The following TTLL7 variants were observed in gnomAD, a reference collection of about 807,000 sequenced individuals.
TTLL7 encodes tubulin polyglutamylase TTLL7.
TTLL7 carries 53 observed loss-of-function variants against 120.2 expected under a neutral mutation model. The observed-to-expected ratio is 0.44, with a 90% CI of 0.35 to 0.55. TTLL7 has a LOEUF of 0.55. Ranked by LOEUF, TTLL7 falls within the 20% of genes least tolerant of loss-of-function variation. The pLI, the probability that TTLL7 is intolerant of heterozygous loss-of-function variation, is 0.00. For missense variants in TTLL7, 803 were observed against 1,054.7 expected, an observed-to-expected ratio of 0.76 and a Z score of 3.31; for synonymous variants, 353 against 351.7, an observed-to-expected ratio of 1.00 and a Z score of -0.04.
chr1:83,907,455 C>T lies in TTLL7; in HGVS notation c.1992+1G>A. 6.2e-7 allele frequency: 1 copy of T among 1,612,246 alleles called. No homozygotes were observed. The highest frequency in any genetic ancestry group is 8.5e-7 in the Non-Finnish European group (1 of 1,178,956). On this transcript the variant is annotated splice_donor_variant, in intron 16 of 20. Transcript: ENST00000260505. LOFTEE classifies it high-confidence loss of function. ...TTGAAAGAGCAAAACAGATGACCTA[C>T]CACTTGAGAGTTGGTAGAGCAGGCA... is the stretch of plus-strand genomic sequence containing the variant.
rs140207418 is a variant in TTLL7 at position 83,874,409 on chromosome 1, T to C, written c.2544-4327A>G. On this transcript the variant is annotated intron_variant, in intron 20 of 20. Transcript: ENST00000260505. ...GGTTGTTTCCATCTCTTGGCTATTG[T>C]CTTATAAATAATGCTTCTGTGAACA... Among the ~76,000 whole-genome samples the C allele has an allele frequency of 2.8e-3, 424 of 152,200 alleles. 3 individuals are homozygous for C. The highest frequency in any genetic ancestry group is 9.8e-3 in the African/African-American group (408 of 41,552).
chr1:83,886,119 G>T (rs1264270129), intron 19 of TTLL7, among the ~76,000 whole-genome samples: 2 of 152,034 alleles, frequency 1.3e-5, no homozygotes, highest in African/African-American at 4.8e-5. Context: ...ATGAAATCCA[G>T]AGACTTAGAA....
intron 10 of TTLL7, among the ~76,000 whole-genome samples, chr1:83,927,541 C>G (rs1163547792): frequency 6.6e-6 from 1 of 152,070 alleles, no homozygotes; most frequent in Admixed American, 6.6e-5. Context: ...ATCAGCCTAA[C>G]TAAAACAGTT....
chr1:83,897,405 G>A (rs1361370870), intron 18 of TTLL7, among the ~76,000 whole-genome samples: 1 of 152,054 alleles, frequency 6.6e-6, no homozygotes, highest in East Asian at 1.9e-4. Context: ...ATCCCTAACA[G>A]TGTCTAGCAT....
intron 18 of TTLL7, among the ~76,000 whole-genome samples, chr1:83,891,603 T>G (rs1056707735): frequency 1.3e-5 from 2 of 152,060 alleles, no homozygotes; most frequent in African/African-American, 4.8e-5. Flanking sequence ...GGAGGCAGCA[T>G]GTACAAGAAC....
At chr1:83,965,576 C>T (rs1158122902) in intron 1 of TTLL7, among the ~76,000 whole-genome samples, 1 of 152,014 alleles carries the variant, frequency 6.6e-6, no homozygotes, top group African/African-American at 2.4e-5. Flanking sequence ...ACTTGGTATG[C>T]AACTTTAAAT....
intron 20 of TTLL7, among the ~76,000 whole-genome samples, chr1:83,874,611 C>A (rs1653747800): frequency 6.6e-6 from 1 of 152,040 alleles, no homozygotes; most frequent in African/African-American, 2.4e-5. Flanking sequence ...AGAAATCCAA[C>A]TTCTCCACAT....
chr1:83,952,516 C>T (rs116074472), intron 1 of TTLL7, 129 bp from the exon 2 acceptor site: 10,618 of 277,342 alleles, frequency 0.038, 239 homozygotes, highest in African/African-American at 0.069. Flanking sequence ...AATTGTAAAT[C>T]GGTTTATTAA....
chr1:83,877,736 T>C (rs1320565328), intron 20 of TTLL7, among the ~76,000 whole-genome samples: 1 of 151,948 alleles, frequency 6.6e-6, no homozygotes, highest in East Asian at 1.9e-4. Flanking sequence ...TTTATCAGTC[T>C]CACCCGGTAT....
rs1484202931 is a variant in TTLL7, at chr1:83,933,623, C to G, written c.1032G>C (p.Lys344Asn). ...AATGCCTTACCTCCAGAAGCCATGG[C>G]TTTAGTTTTCTATCCAACAAAATAT... ...GFDILLDRKL[K>N]PWLLEINRAP... Residue 344 changes from lysine (K) to asparagine (N), a missense_variant, in exon 9 of 21, where the codon AAG becomes AAC. By Grantham distance (94) the Lys-to-Asn change is moderately conservative (BLOSUM62 0). This residue lies in a region of TTLL7 where 324 missense variants were observed against 507.7 expected (regional missense o/e 0.64). Transcript: ENST00000260505. The G allele has an allele frequency of 6.2e-7, 1 of 1,613,054 alleles. No individual in the cohort carries two copies. Among genetic ancestry groups the G allele is most frequent in the South Asian group, 1.1e-5 (1 of 90,886 alleles).
intron 19 of TTLL7, chr1:83,889,832 G>C (rs1655294386): frequency 2.3e-6 from 1 of 434,610 alleles, no homozygotes. Context: ...GGAAAAGGAA[G>C]ATGCAGATGC....
intron 7 of TTLL7, among the ~76,000 whole-genome samples, chr1:83,940,102 A>G (rs1428455864): frequency 6.6e-6 from 1 of 152,118 alleles, no homozygotes; most frequent in African/African-American, 2.4e-5. Context: ...CAAAGCCTGG[A>G]GCTTACGTGA....
intron 18 of TTLL7, among the ~76,000 whole-genome samples, chr1:83,892,328 G>GAACATATATACGAA (rs1436565804): frequency 3.7e-5 from 1 of 26,820 alleles, no homozygotes; most frequent in African/African-American, 1.6e-4. Flanking sequence ...GAATATATAT[G>GAACATATATACGAA]TATATATGAA....
intron 20 of TTLL7, among the ~76,000 whole-genome samples, chr1:83,878,906 G>T (rs922956311): frequency 2.6e-5 from 4 of 151,876 alleles, no homozygotes; most frequent in African/African-American, 9.7e-5. Context: ...GAAATATCCT[G>T]TAGATCTTTG....
At chr1:83,911,496 T>G in intron 14 of TTLL7, 133 bp from the exon 15 acceptor site, 3 of 699,138 alleles carry the variant, frequency 4.3e-6, no homozygotes, top group Non-Finnish European at 7.1e-6. Flanking sequence ...CCAAATACTA[T>G]TGCTGCCATG....
At chr1:83,932,112 C>T (rs1483226160) in intron 9 of TTLL7, among the ~76,000 whole-genome samples, 2 of 152,086 alleles carry the variant, frequency 1.3e-5, no homozygotes, top group African/African-American at 4.8e-5. Context: ...AGAATTCAAC[C>T]ATTCAGTCAA....
chr1:83,893,384 AAAG>A (rs1655946267), intron 18 of TTLL7, among the ~76,000 whole-genome samples: 4 of 152,174 alleles, frequency 2.6e-5, no homozygotes, highest in African/African-American at 9.6e-5. Context: ...AAAAAAACAA[AAAG>A]AAAAAAAAAT....
chr1:83,909,269 CTTTTTTT>C (rs71582911), intron 15 of TTLL7, among the ~76,000 whole-genome samples: 5 of 99,290 alleles, frequency 5.0e-5, no homozygotes, highest in African/African-American at 1.9e-4. Context: ...TTTTTTTTTC[CTTTTTTT>C]TTTTTTTTTT....
At chr1:83,895,144 G>C (rs562877295) in intron 18 of TTLL7, among the ~76,000 whole-genome samples, 1 of 152,152 alleles carries the variant, frequency 6.6e-6, no homozygotes, top group Admixed American at 6.6e-5. Flanking sequence ...TTATTAGCAA[G>C]CACCTTATTT....
Sources: gnomAD v4.1 joint callset for allele counts (sites outside exome capture counted in the v4.1 genomes callset) on GRCh38, gnomAD v4.1.1 for gene constraint, gnomAD v4.1.1 regional missense constraint, MANE v1.5 for transcripts, NCBI Gene and HGNC (gene_info 2026-07-23, HGNC 2026-07-21) for gene names.